The following MSI2 variants were observed in gnomAD, a reference collection of about 807,000 sequenced individuals.
MSI2 encodes musashi RNA binding protein 2.
A neutral mutation model predicts 45.6 loss-of-function variants in MSI2; 17 were observed. The ratio of observed to expected loss-of-function variants is 0.37; its 90% confidence interval spans 0.26 to 0.56. MSI2 has a LOEUF of 0.56. Among genes scored for constraint, MSI2 ranks in the 20% least tolerant of loss-of-function variants. The pLI is 0.77. For missense variants in MSI2, 293 were observed against 444.2 expected, an observed-to-expected ratio of 0.66 and a Z score of 3.06; for synonymous variants, 156 against 158.2, an observed-to-expected ratio of 0.99 and a Z score of 0.11.
At chr17:57,338,536 G>C (rs1914873649) in intron 5 of MSI2, among the ~76,000 whole-genome samples, 1 of 152,198 alleles carries the variant, frequency 6.6e-6, no homozygotes, top group Non-Finnish European at 1.5e-5. Flanking sequence ...TAAGGAGCTT[G>C]GCAGGCCCCA....
intron 6 of MSI2, among the ~76,000 whole-genome samples, chr17:57,513,908 C>T (rs1329986930): frequency 2.6e-5 from 4 of 152,148 alleles, no homozygotes; most frequent in African/African-American, 7.2e-5. Context: ...TAATTAAAAA[C>T]GACAAAAAAA....
chr17:57,435,927 T>C (rs1458071322), intron 6 of MSI2, among the ~76,000 whole-genome samples: 2 of 152,106 alleles, frequency 1.3e-5, no homozygotes, highest in African/African-American at 4.8e-5. Flanking sequence ...ACTATACACA[T>C]GGGAAACTGA....
At chr17:57,489,079 T>C (rs2085813942) in intron 6 of MSI2, among the ~76,000 whole-genome samples, 1 of 152,142 alleles carries the variant, frequency 6.6e-6, no homozygotes, top group African/African-American at 2.4e-5. Context: ...TTAAGGGTCA[T>C]GAAGAGCCTT....
chr17:57,694,599 C>CT, the MSI2 span, among the ~76,000 whole-genome samples: 100 of 148,998 alleles, frequency 6.7e-4, no homozygotes, highest in Non-Finnish European at 1.1e-3. Context: ...GGCAAAATAC[C>CT]TTTTTTTTTT....
chr17:57,520,465 T>A (rs551585865), intron 6 of MSI2, among the ~76,000 whole-genome samples: 85 of 152,150 alleles, frequency 5.6e-4, no homozygotes, highest in African/African-American at 2.0e-3. Context: ...TAGGAAAAAA[T>A]TAAGGGCTGT....
At chr17:57,408,604 G>A (rs2084129157) in intron 6 of MSI2, among the ~76,000 whole-genome samples, 1 of 152,188 alleles carries the variant, frequency 6.6e-6, no homozygotes, top group South Asian at 2.1e-4. Context: ...GGGGCGGGGG[G>A]GCGGTATGAA....
rs758351982 is a variant in MSI2 at position 57,258,373 on chromosome 17, T to C, written c.270+19T>C. 5.0e-6 allele frequency: 8 copies of C among 1,600,888 alleles called. No homozygotes were observed. The highest frequency in any genetic ancestry group is 6.0e-6 in the Non-Finnish European group (7 of 1,167,964). The stretch of plus-strand genomic sequence containing the variant: ...CAAGACGGTAGGTTGCTTTTTGTTG[T>C]TGTTGTTCGCCCCTTTTCAGGAACG... On this transcript the variant is annotated intron_variant, in intron 4 of 13. Transcript: ENST00000284073.
chr17:57,521,831 C>T (rs866072407), intron 6 of MSI2, among the ~76,000 whole-genome samples: 19 of 152,096 alleles, frequency 1.2e-4, no homozygotes, highest in Non-Finnish European at 1.9e-4. Flanking sequence ...TGAGCAGTCA[C>T]GGCTGAAAAA....
intron 5 of MSI2, among the ~76,000 whole-genome samples, chr17:57,361,806 G>GT (rs1916833093): frequency 6.6e-6 from 1 of 152,162 alleles, no homozygotes; most frequent in African/African-American, 2.4e-5. Flanking sequence ...GACCCACATG[G>GT]TTTACACTTG....
chr17:57,438,739 C>G (rs2143444893), intron 6 of MSI2, among the ~76,000 whole-genome samples: 1 of 151,880 alleles, frequency 6.6e-6, no homozygotes, highest in East Asian at 1.9e-4. Flanking sequence ...GCAGAGCAGA[C>G]CCATGGCAAT....
intron 7 of MSI2, among the ~76,000 whole-genome samples, chr17:57,590,921 G>A (rs1197471142): frequency 6.6e-6 from 1 of 152,160 alleles, no homozygotes; most frequent in African/African-American, 2.4e-5. Context: ...CCAGGGAGGA[G>A]TTCTCTGGTT....
intron 5 of MSI2, among the ~76,000 whole-genome samples, chr17:57,316,429 G>A (rs1912857306): frequency 6.6e-6 from 1 of 151,564 alleles, no homozygotes; most frequent in Admixed American, 6.6e-5. Context: ...CCGGGTTCAA[G>A]CAATCCTGCT....
Position 57,682,927 on chromosome 17 carries a change from T to G in MSI2, c.*3410T>G. 4.4e-6 allele frequency: 1 copy of G among 227,430 alleles called. No individual in the cohort carries two copies. The highest frequency in any genetic ancestry group is 6.3e-5 in the East Asian group (1 of 15,920). 14.1% of individuals were successfully genotyped at this position (227,430 alleles called of 1,614,324 possible). ...TAGCTGGGCATGGGGCTGACGGAGA[T>G]GACCAAGCCTTGGTCTGCTCTCTAG... On this transcript the variant is annotated 3_prime_UTR_variant, in exon 14 of 14. Coordinates refer to ENST00000284073, the MANE Select transcript of MSI2 (RefSeq NM_138962.4).
chr17:57,424,628 G>C (rs970985027), intron 6 of MSI2, among the ~76,000 whole-genome samples: 10 of 152,284 alleles, frequency 6.6e-5, no homozygotes, highest in African/African-American at 2.2e-4. Flanking sequence ...TGTCACAGCT[G>C]CTGGCTCTGG....
At chr17:57,437,848 T>C (rs1258314846) in intron 6 of MSI2, among the ~76,000 whole-genome samples, 1 of 152,180 alleles carries the variant, frequency 6.6e-6, no homozygotes, top group East Asian at 1.9e-4. Flanking sequence ...AATCAATAAA[T>C]ATGAAGTGCT....
Position 57,545,865 on chromosome 17 carries a change from C to T in MSI2, c.454+16141C>T, listed in dbSNP as rs186736323. ...TGATCTTTCGTGGGAATAACAGCGG[C>T]CACCGGCTTATCTGGCGCAGGCATT... On this transcript the variant is annotated intron_variant, in intron 7 of 13. Transcript: ENST00000284073. Among the ~76,000 whole-genome samples, 146 of 152,208 alleles carry T rather than the reference C, an allele frequency of 9.6e-4. 1 individual carries two copies. Among genetic ancestry groups the T allele is most frequent in the African/African-American group, 3.3e-3 (137 of 41,512 alleles).
intron 6 of MSI2, among the ~76,000 whole-genome samples, chr17:57,454,883 G>C (rs1339668032): frequency 1.3e-5 from 2 of 152,202 alleles, no homozygotes; most frequent in African/African-American, 2.4e-5. Context: ...CTAGGGAAGA[G>C]GGGTGCCGCT....
intron 6 of MSI2, among the ~76,000 whole-genome samples, chr17:57,416,788 C>T (rs1392132206): frequency 6.6e-6 from 1 of 152,074 alleles, no homozygotes; most frequent in Admixed American, 6.5e-5. Context: ...TTCAGGAGCT[C>T]TAAGAATGCT....
At chr17:57,560,188 T>C (rs1317198829) in intron 7 of MSI2, among the ~76,000 whole-genome samples, 1 of 152,234 alleles carries the variant, frequency 6.6e-6, no homozygotes, top group African/African-American at 2.4e-5. Context: ...ACGGAAGCAG[T>C]TCATTGCGTA....
Sources: allele counts gnomAD v4.1 joint callset (sites outside exome capture counted in the v4.1 genomes callset), GRCh38; gene constraint gnomAD v4.1.1; transcripts MANE v1.5; gene names NCBI Gene and HGNC (gene_info 2026-07-23, HGNC 2026-07-21).